Variants in ERMP1 observed in about 807,000 individuals in gnomAD.
ERMP1 encodes Felix-ina.
Under a neutral mutation model 92.0 loss-of-function variants are expected in ERMP1, and 86 were observed. The observed-to-expected ratio is 0.93, with a 90% CI of 0.79 to 1.12. The LOEUF (loss-of-function observed/expected upper bound fraction) is 1.12, where lower values mean the gene tolerates loss of function less well. Ranked by LOEUF, ERMP1 falls within the 50% of genes most tolerant of loss-of-function variation. ERMP1 has a pLI of 0.00. For missense variants in ERMP1, 1,342 were observed against 1,116.3 expected, an observed-to-expected ratio of 1.20 and a Z score of -2.88; for synonymous variants, 530 against 412.8, an observed-to-expected ratio of 1.28 and a Z score of -3.44.
chr9:5,814,024 C>G (rs2131245131), intron 4 of ERMP1, among the ~76,000 whole-genome samples: 1 of 152,114 alleles, frequency 6.6e-6, no homozygotes, highest in South Asian at 2.1e-4. Flanking sequence ...CTCTTCTGTA[C>G]CTATTAACTG....
Position 5,797,876 on chromosome 9 carries a change from C to T in ERMP1, c.2327G>A (p.Arg776Gln), listed in dbSNP as rs777251448. 10 of 1,613,590 alleles carry T rather than the reference C, an allele frequency of 6.2e-6. No homozygotes were observed. The African/African-American group carries it at 9.4e-5, about 15-fold the overall frequency. Reference protein sequence around the residue: ...EVSPRNPPHFRLISKEQTPWD... With the variant: ...EVSPRNPPHFQLISKEQTPWD... ...AGGTGTCTGTTCTTTGGATATGAGT[C>T]GGAAATGAGGAGGATTTCTTGGAGA... The change falls in exon 13 of 15, where the codon CGA (arginine) becomes CAA (glutamine). Residue 776 changes from arginine to glutamine, a missense_variant. Coordinates refer to ENST00000339450, the MANE Select transcript of ERMP1 (RefSeq NM_024896.3).
intron 6 of ERMP1, among the ~76,000 whole-genome samples, chr9:5,848,490 T>C (rs924763075): frequency 3.3e-5 from 5 of 152,178 alleles, no homozygotes; most frequent in African/African-American, 1.2e-4. Flanking sequence ...TGCAACAATT[T>C]CTTAGAGCAG....
intron 5 of ERMP1, among the ~76,000 whole-genome samples, chr9:5,862,276 C>G (rs1218399342): frequency 6.6e-6 from 1 of 151,214 alleles, no homozygotes; most frequent in South Asian, 2.1e-4. Flanking sequence ...AGGTGATCCT[C>G]CTGCCTCAGC....
Position 5,798,806 on chromosome 9 carries a change from C to G in ERMP1, c.2270G>C (p.Arg757Thr). ...PWYLPVHFLIRKNWYLPAPEV... is the reference protein window; with the variant it reads ...PWYLPVHFLITKNWYLPAPEV... ...TTAAGCAGAAAAATAATGAACCAAC[C>G]TGATCAGAAAGTGCACTGGAAGATA... The change falls in exon 12 of 15, where the codon AGG becomes ACG. Residue 757 changes from arginine to threonine, a missense_variant and splice_region_variant. Arg to Thr is a moderately conservative substitution (Grantham distance 71). Transcript: ENST00000339450. 6.2e-7 allele frequency: 1 copy of G among 1,609,782 alleles called. No homozygotes were observed. Among genetic ancestry groups the G allele is most frequent in the Non-Finnish European group, 8.5e-7 (1 of 1,176,302 alleles).
intron 2 of ERMP1, among the ~76,000 whole-genome samples, chr9:5,826,572 A>G (rs1829738553): frequency 1.3e-5 from 2 of 152,070 alleles, no homozygotes; most frequent in Admixed American, 1.3e-4. Context: ...GTTAAATTCC[A>G]GACCCCATTC....
chr9:5,855,314 C>A (rs1421183168), intron 6 of ERMP1, among the ~76,000 whole-genome samples: 1 of 152,214 alleles, frequency 6.6e-6, no homozygotes, highest in East Asian at 1.9e-4. Flanking sequence ...TCACTCCAGA[C>A]CACTGAGAGC....
At chr9:5,814,011 A>G (rs1829209435) in intron 4 of ERMP1, among the ~76,000 whole-genome samples, 1 of 152,028 alleles carries the variant, frequency 6.6e-6, no homozygotes, top group African/African-American at 2.4e-5. Context: ...GAATGAGTAC[A>G]TACTCTTCTG....
intron 13 of ERMP1, among the ~76,000 whole-genome samples, chr9:5,788,964 G>C (rs1368601558): frequency 6.6e-6 from 1 of 152,148 alleles, no homozygotes; most frequent in Non-Finnish European, 1.5e-5. Context: ...AAAGACAGGA[G>C]AAATACTAAG....
At chr9:5,799,547 C>T (rs1198101288) in intron 11 of ERMP1, among the ~76,000 whole-genome samples, 1 of 152,138 alleles carries the variant, frequency 6.6e-6, no homozygotes. Context: ...AAAAACACTG[C>T]ATAGGGCAGG....
At chr9:5,794,174 C>T (rs1349091424) in intron 13 of ERMP1, among the ~76,000 whole-genome samples, 2 of 151,948 alleles carry the variant, frequency 1.3e-5, no homozygotes, top group Admixed American at 1.3e-4. Flanking sequence ...GATTAAAGAA[C>T]ACACTTCTAC....
At chr9:5,804,525 C>A (rs932509606) in intron 10 of ERMP1, among the ~76,000 whole-genome samples, 1 of 152,168 alleles carries the variant, frequency 6.6e-6, no homozygotes, top group Non-Finnish European at 1.5e-5. Flanking sequence ...GGTGTCATAA[C>A]AGACTCAATT....
At chr9:5,792,157 A>G (rs1299711604) in intron 13 of ERMP1, among the ~76,000 whole-genome samples, 1 of 152,182 alleles carries the variant, frequency 6.6e-6, no homozygotes, top group South Asian at 2.1e-4. Flanking sequence ...TGCTGAAAAG[A>G]ATCCCGAAAT....
At position 5,825,115 on chromosome 9, in the gene ERMP1, C is replaced by T. The variant is rs767026505; in HGVS notation, c.745G>A (p.Gly249Ser). 1.9e-6 allele frequency: 3 copies of T among 1,613,910 alleles called. No homozygotes were observed. The highest frequency in any genetic ancestry group is 2.2e-5 in the South Asian group (2 of 91,064). Reference protein sequence around the residue: ...LHHAVIFLFNGAEENVLQASH... With the variant: ...LHHAVIFLFNSAEENVLQASH... The stretch of plus-strand genomic sequence containing the variant: ...ACTTGCAAGACATTTTCCTCAGCAC[C>T]ATTAAAGAGAAATATGACAGCATGA... Residue 249 changes from glycine (G) to serine (S), a missense_variant, in exon 3 of 15, where the codon GGT becomes AGT. Gly to Ser is a moderately conservative substitution (Grantham distance 56, BLOSUM62 0). Transcript: ENST00000339450.
rs539667255 is a variant in ERMP1, at chr9:5,795,508, G to A, written c.2386+2309C>T. ...AATCTTAAAAGAATAGGCTGGGCGC[G>A]GTGGCTCACGCCTGTAATCCCAGCA... On this transcript the variant is annotated intron_variant, in intron 13 of 14. Coordinates refer to ENST00000339450, the MANE Select transcript of ERMP1 (RefSeq NM_024896.3). Among the ~76,000 whole-genome samples, 14 of 152,314 alleles carry A rather than the reference G, an allele frequency of 9.2e-5. No homozygotes were observed. The East Asian group carries it at 9.6e-4, about 10-fold the overall frequency.
chr9:5,838,308 G>A (rs1009000975), intron 6 of ERMP1, among the ~76,000 whole-genome samples: 4 of 152,008 alleles, frequency 2.6e-5, no homozygotes, highest in African/African-American at 7.3e-5. Flanking sequence ...TCGGAAGGTC[G>A]AGGGGGGTGA....
upstream of ERMP1, among the ~76,000 whole-genome samples, chr9:5,836,246 A>T (rs1033919351): frequency 4.6e-5 from 7 of 152,190 alleles, no homozygotes; most frequent in African/African-American, 1.7e-4. Flanking sequence ...TCCATAGCCA[A>T]TTTGCCGTAG....
chr9:5,789,292 T>TA (rs1256235252), intron 13 of ERMP1, among the ~76,000 whole-genome samples: 1 of 151,936 alleles, frequency 6.6e-6, no homozygotes, highest in East Asian at 1.9e-4. Flanking sequence ...TCAAATAACT[T>TA]ACAAAAAAAA....
At chr9:5,834,977 A>ATGTGTGTG (rs71326191), upstream of ERMP1, among the ~76,000 whole-genome samples, 130 of 125,194 alleles carry the variant, frequency 1.0e-3, no homozygotes, top group East Asian at 2.3e-3. Context: ...GGATAGATAG[A>ATGTGTGTG]TGTGTGTGTG....
Position 5,787,479 on chromosome 9 carries a change from TAA to T in ERMP1, c.2499_2500del (p.Phe833LeufsTer24). 6.2e-7 allele frequency: 1 copy of T among 1,613,986 alleles called. No homozygotes were observed. Among genetic ancestry groups the T allele is most frequent in the Non-Finnish European group, 8.5e-7 (1 of 1,179,952 alleles). On this transcript the variant is annotated frameshift_variant, in exon 14 of 15. Transcript: ENST00000339450. LOFTEE classifies it high-confidence loss of function. ...TGCAGAGGCCTGGAGTCCATGGGAG[TAA>T]AAGACAAAGTAGTCTCCTCCTTTAC...
Sources: gnomAD v4.1 joint callset for allele counts (sites outside exome capture counted in the v4.1 genomes callset) on GRCh38, gnomAD v4.1.1 for gene constraint, MANE v1.5 for transcripts, NCBI Gene and HGNC (gene_info 2026-07-23, HGNC 2026-07-21) for gene names.